The following MYO18B variants were observed in gnomAD, a reference collection of about 807,000 sequenced individuals.
The protein encoded by MYO18B is unconventional myosin-XVIIIb.
MYO18B carries 204 observed loss-of-function variants against 273.0 expected under a neutral mutation model. The observed-to-expected ratio is 0.75, with a 90% CI of 0.67 to 0.84. The LOEUF is 0.84. MYO18B is among the 40% of genes least tolerant of loss of function. The probability of loss-of-function intolerance (pLI) is 0.00; values close to 1 mark genes in which losing one functional copy is unlikely to be tolerated. For missense variants in MYO18B, 3,212 were observed against 3,287.6 expected (o/e 0.98, Z 0.56); for synonymous variants, 1,330 against 1,305.7 (o/e 1.02, Z -0.40).
intron 39 of MYO18B, among the ~76,000 whole-genome samples, chr22:25,959,947 A>G (rs1461523911): frequency 6.6e-6 from 1 of 152,208 alleles, no homozygotes. Context: ...CCTGGAGAGC[A>G]GTGGGAAGGA....
At position 25,772,262 on chromosome 22, in the gene MYO18B, G is replaced by A. The variant is rs113027771; in HGVS notation, c.1693-72G>A. 7,947 of 1,430,060 alleles carry A rather than the reference G, an allele frequency of 5.6e-3. 174 individuals are homozygous for A. The African/African-American group carries it at 0.062, about 11-fold the overall frequency. 88.6% of individuals were successfully genotyped at this position (1,430,060 alleles called of 1,614,324 possible). On this transcript the variant is annotated intron_variant, in intron 6 of 43. Coordinates refer to ENST00000335473, the MANE Select transcript of MYO18B (RefSeq NM_032608.7). ...GAGGGCTTAGTGTGTGTTTGGTTGC[G>A]GGGGGGTGGGGTGGGGGCAGGGGGC...
Position 25,968,840 on chromosome 22 carries a change from C to G in MYO18B, c.6156+13476C>G, listed in dbSNP as rs193142975. On this transcript the variant is annotated intron_variant, in intron 39 of 43. Coordinates refer to ENST00000335473, the MANE Select transcript of MYO18B (RefSeq NM_032608.7). The stretch of plus-strand genomic sequence containing the variant: ...TTTTAAAGCTCTTTCTGCTGAGACC[C>G]CTGGGCAAGCCCAGAGCTGGTTGGT... Among the ~76,000 whole-genome samples the G allele has an allele frequency of 2.1e-4, 32 of 152,232 alleles. 1 individual carries two copies. Among genetic ancestry groups the G allele is most frequent in the Non-Finnish European group, 4.0e-4 (27 of 68,024 alleles).
Position 25,950,349 on chromosome 22 carries a change from T to TG in MYO18B, c.5749-18_5749-17insG. On this transcript the variant is annotated splice_polypyrimidine_tract_variant and intron_variant, in intron 36 of 43. Coordinates refer to ENST00000335473, the MANE Select transcript of MYO18B (RefSeq NM_032608.7). The stretch of plus-strand genomic sequence containing the variant: ...GACTCAGGGTGATATATATACATTT[T>TG]TTTTTTTGTCTCACCAGTCTGCTGC... The TG allele has an allele frequency of 6.4e-7, 1 of 1,570,450 alleles. No individual in the cohort carries two copies.
At chr22:25,742,524 G>T (rs1021835091) in intron 1 of MYO18B, among the ~76,000 whole-genome samples, 1 of 152,074 alleles carries the variant, frequency 6.6e-6, no homozygotes, top group African/African-American at 2.4e-5. Flanking sequence ...AAATGCTGGG[G>T]CAAATGGACA....
intron 39 of MYO18B, among the ~76,000 whole-genome samples, chr22:25,968,466 C>T (rs2093002434): frequency 6.6e-6 from 1 of 152,160 alleles, no homozygotes; most frequent in Non-Finnish European, 1.5e-5. Context: ...TTGCAGAGAT[C>T]TCTCTGCCTT....
intron 39 of MYO18B, among the ~76,000 whole-genome samples, chr22:25,964,493 A>C (rs2092956101): frequency 1.3e-5 from 2 of 152,162 alleles, no homozygotes; most frequent in African/African-American, 2.4e-5. Context: ...ATATGTTAAT[A>C]TTGCTTCTGA....
rs980108440 is a variant in MYO18B, at chr22:25,967,811, C to T, written c.6156+12447C>T. On this transcript the variant is annotated intron_variant, in intron 39 of 43. Transcript: ENST00000335473. The stretch of plus-strand genomic sequence containing the variant: ...TCAAATGATGCCAACAGGCTGAATT[C>T]GGTGTGCTGGGGTCAACCCGTATCT... Among the ~76,000 whole-genome samples the T allele has an allele frequency of 4.6e-5, 7 of 152,302 alleles. No homozygotes were observed. In the East Asian group the frequency reaches 1.2e-3, roughly 25 times the overall value.
chr22:25,769,098 G>C lies in MYO18B; in HGVS notation c.1182G>C (p.Lys394Asn), dbSNP rs201312229. The C allele has an allele frequency of 2.1e-3, 3,448 of 1,613,530 alleles. 8 individuals carry two copies. The highest frequency in any genetic ancestry group is 2.5e-3 in the Non-Finnish European group (2,942 of 1,179,714). The change falls in exon 4 of 44, where the codon AAG becomes AAC. Residue 394 changes from lysine (K) to asparagine (N), a missense_variant. By Grantham distance (94) the Lys-to-Asn change is moderately conservative. Transcript: ENST00000335473. ...KAGESWDKKE[K>N]MGQPQGKSGN... is the part of the protein sequence containing the mutation. ...GTGAGTCCTGGGATAAGAAGGAAAA[G>C]ATGGGGCAACCCCAGGGTAAGTCCG...
intron 19 of MYO18B, among the ~76,000 whole-genome samples, chr22:25,847,100 G>T (rs1347816543): frequency 1.3e-5 from 2 of 151,030 alleles, no homozygotes; most frequent in Non-Finnish European, 1.5e-5. Context: ...AATAAAGAAA[G>T]AAAGAAAAAT....
At chr22:25,755,008 G>T (rs2086065592) in intron 1 of MYO18B, among the ~76,000 whole-genome samples, 1 of 152,202 alleles carries the variant, frequency 6.6e-6, no homozygotes, top group Non-Finnish European at 1.5e-5. Context: ...GGCGGCCAAG[G>T]CAGCCACCTG....
chr22:25,949,868 A>C (rs2092770942), intron 36 of MYO18B, among the ~76,000 whole-genome samples: 1 of 152,318 alleles, frequency 6.6e-6, no homozygotes, highest in Middle Eastern at 3.4e-3. Context: ...AGTTGGTTCT[A>C]TTTTAAAAAA....
chr22:25,756,137 G>A lies in MYO18B; in HGVS notation c.-109-4847G>A, dbSNP rs551649132. 2.8e-3 allele frequency among the ~76,000 whole-genome samples: 432 copies of A among 152,158 alleles called. 5 individuals are homozygous for A. The highest frequency in any genetic ancestry group is 9.8e-3 in the African/African-American group (405 of 41,522). On this transcript the variant is annotated intron_variant, in intron 1 of 43. Coordinates refer to ENST00000335473, the MANE Select transcript of MYO18B (RefSeq NM_032608.7). Reference sequence around the variant, plus strand: ...TGGTCTTGATCTGACCTCGTGATCCGCCTGCCTCAGCCTCCCAAAGTGCTG... The same window carrying A: ...TGGTCTTGATCTGACCTCGTGATCCACCTGCCTCAGCCTCCCAAAGTGCTG...
In MYO18B at chr22:25,768,170, C is replaced by G. The variant is rs1258830365; in HGVS notation, c.254C>G (p.Ser85Cys). 1.2e-6 allele frequency: 2 copies of G among 1,612,652 alleles called. No homozygotes were observed. The highest frequency in any genetic ancestry group is 2.7e-5 in the African/African-American group (2 of 74,888). The change falls in exon 4 of 44, where the codon TCT becomes TGT. Residue 85 changes from serine (S) to cysteine (C), a missense_variant. Physicochemically the swap from Ser to Cys is moderately radical, Grantham distance 112. Transcript: ENST00000335473. ...AGCAAGTCCAGCAGTGGCACCAGAT[C>G]TGGAAGCCAGCAGATCTCTCAGGAC... is the stretch of plus-strand genomic sequence containing the variant. ...PNSKSSSGTR[S>C]GSQQISQDDQ...
chr22:25,773,698 C>G (rs183343280), intron 7 of MYO18B, among the ~76,000 whole-genome samples: 2,298 of 152,216 alleles, frequency 0.015, 53 homozygotes, highest in African/African-American at 0.051. Context: ...CTCCTGAGCT[C>G]GTGATCCGCC....
intron 22 of MYO18B, among the ~76,000 whole-genome samples, chr22:25,872,994 G>C (rs1036614121): frequency 1.3e-5 from 2 of 152,266 alleles, no homozygotes; most frequent in Middle Eastern, 3.4e-3. Context: ...CCCACCATAA[G>C]AGCATTTTTC....
At chr22:25,934,289 G>T (rs1055033914) in intron 34 of MYO18B, among the ~76,000 whole-genome samples, 2 of 152,022 alleles carry the variant, frequency 1.3e-5, no homozygotes, top group East Asian at 1.9e-4. Context: ...TTTATGAAGA[G>T]AAATTCTTGA....
At chr22:25,770,777 C>A in intron 5 of MYO18B, 95 bp from the exon 6 acceptor site, 1 of 874,236 alleles carries the variant, frequency 1.1e-6, no homozygotes, top group Non-Finnish European at 1.8e-6. Flanking sequence ...GCTGGCCCGG[C>A]TTAGAGCCTC....
chr22:25,875,504 GT>G (rs1333808295), intron 23 of MYO18B, among the ~76,000 whole-genome samples: 1 of 82,612 alleles, frequency 1.2e-5, no homozygotes, highest in East Asian at 7.1e-4. Context: ...TGCTGTTCTG[GT>G]CCCCCCCCCA....
intron 43 of MYO18B, among the ~76,000 whole-genome samples, chr22:26,028,819 C>T (rs1244067663): frequency 2.8e-5 from 4 of 143,060 alleles, no homozygotes; most frequent in South Asian, 2.3e-4. Flanking sequence ...ACCCGGGAGG[C>T]GGAGCTTGCA....
Sources: gnomAD v4.1 joint callset for allele counts (sites outside exome capture counted in the v4.1 genomes callset) on GRCh38, gnomAD v4.1.1 for gene constraint, MANE v1.5 for transcripts, NCBI Gene and HGNC (gene_info 2026-07-23, HGNC 2026-07-21) for gene names.